Variants in METTL9 observed in about 807,000 individuals in gnomAD.
METTL9 encodes protein-L-histidine N-pros-methyltransferase.
In METTL9, 10 loss-of-function variants were observed where a neutral mutation model predicts 36.0. That is an observed-to-expected ratio of 0.28 (90% CI 0.17 to 0.47). The LOEUF (loss-of-function observed/expected upper bound fraction) is 0.47. METTL9 is among the 20% of genes least tolerant of loss of function. The pLI is 0.99. For missense variants in METTL9, 246 were observed against 383.5 expected (o/e 0.64, Z 3.00); for synonymous variants, 175 against 149.7 (o/e 1.17, Z -1.23).
chr16:21,643,679 A>G (rs935014271), intron 4 of METTL9: 1 of 879,794 alleles, frequency 1.1e-6, no homozygotes, highest in Non-Finnish European at 1.8e-6. Flanking sequence ...CCCTAATAAG[A>G]TTAAACTAAC....
At chr16:21,629,108 G>A (rs1223278169) in intron 4 of METTL9, among the ~76,000 whole-genome samples, 1 of 152,034 alleles carries the variant, frequency 6.6e-6, no homozygotes, top group African/African-American at 2.4e-5. Context: ...TGGCCAGGCT[G>A]ATCTTGAACT....
chr16:21,655,121 A>G, intron 4 of METTL9, 106 bp from the exon 5 acceptor site: 1 of 965,700 alleles, frequency 1.0e-6, no homozygotes, highest in Non-Finnish European at 1.6e-6. Flanking sequence ...TGAAGCCCTC[A>G]GGCTTGGAAC....
In METTL9 at chr16:21,644,370, G is replaced by A. The variant is rs75597368; in HGVS notation, c.752-10857G>A. On this transcript the variant is annotated intron_variant, in intron 4 of 4. Transcript: ENST00000358154. ...GATACAAGAGCTGTCAGGAAGCTCCGCAGTTCCTTGCTGAGCAGCTTAATT... is the reference window on the plus strand; with the variant it reads ...GATACAAGAGCTGTCAGGAAGCTCCACAGTTCCTTGCTGAGCAGCTTAATT... 144 of 1,613,592 alleles carry A rather than the reference G, an allele frequency of 8.9e-5. 2 individuals are homozygous for A. In the African/African-American group the frequency reaches 1.5e-3, roughly 16 times the overall value.
chr16:21,615,730 A>G (rs1465249990), intron 2 of METTL9, among the ~76,000 whole-genome samples: 1 of 152,198 alleles, frequency 6.6e-6, no homozygotes, highest in Non-Finnish European at 1.5e-5. Flanking sequence ...CAGCATCAGT[A>G]TTTGAAATTC....
rs796693764 is a variant in METTL9, at chr16:21,649,798, T to C, written c.752-5429T>C. ...TGGCTAACTTACTGTAGCCTTTGTC[T>C]TCTGGGCTCAAGCAATCCTCTCACT... is the stretch of plus-strand genomic sequence containing the variant. On this transcript the variant is annotated intron_variant, in intron 4 of 4. Coordinates refer to ENST00000358154, the MANE Select transcript of METTL9 (RefSeq NM_016025.5). 1.4e-4 allele frequency among the ~76,000 whole-genome samples: 21 copies of C among 152,296 alleles called. 1 individual carries two copies. The highest frequency in any genetic ancestry group is 4.8e-4 in the African/African-American group (20 of 41,554).
chr16:21,636,334 G>C (rs1223483857), intron 4 of METTL9, among the ~76,000 whole-genome samples: 2 of 152,140 alleles, frequency 1.3e-5, no homozygotes, highest in Non-Finnish European at 2.9e-5. Context: ...ATGTCTTTCT[G>C]ATTGGTGAGC....
intron 4 of METTL9, among the ~76,000 whole-genome samples, chr16:21,637,058 G>A (rs1288312283): frequency 6.6e-6 from 1 of 152,142 alleles, no homozygotes; most frequent in Non-Finnish European, 1.5e-5. Flanking sequence ...CAAAGAGTGA[G>A]CAGCAGCAAG....
chr16:21,645,431 C>A (rs956017581), intron 4 of METTL9, among the ~76,000 whole-genome samples: 1 of 151,914 alleles, frequency 6.6e-6, no homozygotes, highest in Admixed American at 6.6e-5. Context: ...CACTCCAGCC[C>A]GGGCGACAGA....
At chr16:21,637,028 TC>T (rs1966115976) in intron 4 of METTL9, among the ~76,000 whole-genome samples, 1 of 152,036 alleles carries the variant, frequency 6.6e-6, no homozygotes, top group Non-Finnish European at 1.5e-5. Context: ...GTATTACAGC[TC>T]TTAAAGGTGG....
chr16:21,649,998 C>T (rs573175944), intron 4 of METTL9, among the ~76,000 whole-genome samples: 1 of 152,214 alleles, frequency 6.6e-6, no homozygotes, highest in East Asian at 1.9e-4. Flanking sequence ...AAAGGGAAGC[C>T]AAAGAGCCAG....
At chr16:21,653,672 T>G (rs1252393032) in intron 4 of METTL9, 1 of 152,724 alleles carries the variant, frequency 6.5e-6, no homozygotes, top group African/African-American at 2.4e-5. Flanking sequence ...TCAGCCCTGT[T>G]GTCAGCATCG....
chr16:21,644,242 T>C (rs753782115), intron 4 of METTL9: 2 of 1,273,198 alleles, frequency 1.6e-6, no homozygotes, highest in African/African-American at 2.9e-5. Flanking sequence ...TTTCTTTTGA[T>C]AATATTCAAG....
chr16:21,612,623 CTTTTTTTTT>C lies in METTL9; in HGVS notation c.166-11_166-3del, dbSNP rs576885895. ...TCGGTTGTGTGTTTTAATTTTTGTT[CTTTTTTTTT>C]TTTTTTTTTTAGTGGTATGTGTGCA... is the stretch of plus-strand genomic sequence containing the variant. On this transcript the variant is annotated splice_polypyrimidine_tract_variant and intron_variant, in intron 1 of 4. Transcript: ENST00000358154. The C allele has an allele frequency of 1.6e-6, 2 of 1,249,894 alleles. No individual in the cohort carries two copies. The highest frequency in any genetic ancestry group is 2.0e-6 in the Non-Finnish European group (2 of 987,108). 77.4% of individuals were successfully genotyped at this position (1,249,894 alleles called of 1,614,324 possible).
chr16:21,624,836 A>G, intron 3 of METTL9, 95 bp from the exon 4 acceptor site: 1 of 1,084,254 alleles, frequency 9.2e-7, no homozygotes, highest in Non-Finnish European at 1.4e-6. Flanking sequence ...CTTAATTTAG[A>G]AGACAAAGTT....
chr16:21,657,032 T>TATA lies in METTL9; in HGVS notation c.*1602_*1604dup, dbSNP rs1966725013. Reference sequence around the variant, plus strand: ...CTTGTACAGTTGAGTTTTGCTTCTTTATAAACTGTCTGTTAAAATCAGGGG... The same window carrying TATA: ...CTTGTACAGTTGAGTTTTGCTTCTTTATAATAAACTGTCTGTTAAAATCAGGGG... On this transcript the variant is annotated 3_prime_UTR_variant, in exon 5 of 5. Transcript: ENST00000358154. 1 of 152,074 alleles carries TATA rather than the reference T, an allele frequency of 6.6e-6. No homozygotes were observed. Among genetic ancestry groups the TATA allele is most frequent in the Non-Finnish European group, 1.5e-5 (1 of 68,028 alleles). The allele number at this position is 152,074 out of a possible 1,614,324, so 9.4% of individuals were successfully genotyped here.
chr16:21,643,957 G>A (rs925782558), intron 4 of METTL9, among the ~76,000 whole-genome samples: 1 of 152,124 alleles, frequency 6.6e-6, no homozygotes. Context: ...GGCTTTCGTA[G>A]ATAACAGTAA....
intron 4 of METTL9, among the ~76,000 whole-genome samples, chr16:21,645,884 T>C (rs1966412050): frequency 6.6e-6 from 1 of 152,208 alleles, no homozygotes; most frequent in Non-Finnish European, 1.5e-5. Context: ...AGCTGACAGA[T>C]GAGAATAAAC....
In METTL9 at chr16:21,619,066, C is replaced by T. The variant is rs575152051; in HGVS notation, c.566+992C>T. Among the ~76,000 whole-genome samples the T allele has an allele frequency of 1.6e-4, 25 of 152,236 alleles. 1 individual carries two copies. The South Asian group carries it at 5.2e-3, about 32-fold the overall frequency. ...TACCACATTTTGTTTACCCATTTATCTGTCAGTAGATATTTGGGTTGTTTC... is the reference window on the plus strand; with the variant it reads ...TACCACATTTTGTTTACCCATTTATTTGTCAGTAGATATTTGGGTTGTTTC... On this transcript the variant is annotated intron_variant, in intron 3 of 4. Coordinates refer to ENST00000358154, the MANE Select transcript of METTL9 (RefSeq NM_016025.5).
chr16:21,641,613 G>C, intron 4 of METTL9: 2 of 1,501,036 alleles, frequency 1.3e-6, no homozygotes, highest in South Asian at 2.3e-5. Context: ...TAAATAAATA[G>C]AAAGCCATGT....
Sources: gnomAD v4.1 joint callset for allele counts (sites outside exome capture counted in the v4.1 genomes callset) on GRCh38, gnomAD v4.1.1 for gene constraint, MANE v1.5 for transcripts, NCBI Gene and HGNC (gene_info 2026-07-23, HGNC 2026-07-21) for gene names.